The following ANKRD30A variants were observed in gnomAD, a reference collection of about 807,000 sequenced individuals.
ANKRD30A encodes ankyrin repeat domain-containing protein 30A.
A neutral mutation model predicts 166.3 loss-of-function variants in ANKRD30A; 170 were observed. The ratio of observed to expected loss-of-function variants is 1.02; its 90% CI spans 0.90 to 1.16. ANKRD30A has a LOEUF of 1.16. ANKRD30A is among the 50% of genes most tolerant of loss of function. The probability of loss-of-function intolerance (pLI) is 0.00; values close to 1 mark genes in which losing one functional copy is unlikely to be tolerated. For synonymous variants in ANKRD30A, 564 were observed against 508.9 expected, an observed-to-expected ratio of 1.11 and a Z score of -1.46; for missense variants, 1,630 against 1,518.0, an observed-to-expected ratio of 1.07 and a Z score of -1.23.
intron 34 of ANKRD30A, among the ~76,000 whole-genome samples, chr10:37,227,458 T>C (rs971544854): frequency 7.2e-5 from 11 of 152,074 alleles, no homozygotes; most frequent in African/African-American, 2.4e-4. Flanking sequence ...GCAGGTCTGT[T>C]TTTGGATTCT....
intron 9 of ANKRD30A, among the ~76,000 whole-genome samples, chr10:37,148,023 A>G (rs1233693819): frequency 1.6e-5 from 2 of 124,394 alleles, no homozygotes; most frequent in South Asian, 2.7e-4. Context: ...ACAAAAATGC[A>G]TAGGTGTGCA....
intron 31 of ANKRD30A, among the ~76,000 whole-genome samples, chr10:37,212,732 A>C (rs898806962): frequency 7.2e-5 from 11 of 151,876 alleles, no homozygotes; most frequent in African/African-American, 2.7e-4. Context: ...ATGTTGAGTT[A>C]ATTTTTGTGT....
chr10:37,264,582 G>A, the ANKRD30A span: 1 of 446,006 alleles, frequency 2.2e-6, no homozygotes, highest in South Asian at 4.3e-5. Context: ...GTGTTCTTTG[G>A]CATCTACTCA....
chr10:37,160,992 G>T (rs959435337), intron 15 of ANKRD30A, among the ~76,000 whole-genome samples: 14 of 152,162 alleles, frequency 9.2e-5, no homozygotes, highest in Non-Finnish European at 1.9e-4. Flanking sequence ...GGTGGCTCAC[G>T]CCTGTAATCC....
At chr10:37,144,076 A>AT (rs756879505) in intron 7 of ANKRD30A, among the ~76,000 whole-genome samples, 6 of 151,904 alleles carry the variant, frequency 3.9e-5, no homozygotes, top group Non-Finnish European at 5.9e-5. Flanking sequence ...CTTTTACTGA[A>AT]TTTTTTTTAA....
chr10:37,161,578 C>T (rs1838874500), intron 15 of ANKRD30A, among the ~76,000 whole-genome samples: 1 of 152,070 alleles, frequency 6.6e-6, no homozygotes, highest in African/African-American at 2.4e-5. Context: ...AGTGAACTCA[C>T]TTCAGTTGCA....
chr10:37,151,370 A>G (rs1440425266), intron 11 of ANKRD30A, among the ~76,000 whole-genome samples: 1 of 152,064 alleles, frequency 6.6e-6, no homozygotes, highest in Non-Finnish European at 1.5e-5. Context: ...ATATTTTCCT[A>G]TACATTTCTG....
the ANKRD30A span, among the ~76,000 whole-genome samples, chr10:37,239,791 G>T: frequency 4.5e-3 from 686 of 152,182 alleles, 1 homozygote; most frequent in Middle Eastern, 0.01. Flanking sequence ...GGTTATTTAT[G>T]TGATTGTGTT....
chr10:37,132,765 A>G (rs1278473606), intron 4 of ANKRD30A, among the ~76,000 whole-genome samples: 2 of 152,192 alleles, frequency 1.3e-5, no homozygotes, highest in African/African-American at 4.8e-5. Context: ...TGGGAGGCCA[A>G]GGTGGTTGGA....
At chr10:37,184,009 G>T (rs1373317523) in intron 24 of ANKRD30A, among the ~76,000 whole-genome samples, 12 of 151,722 alleles carry the variant, frequency 7.9e-5, no homozygotes, top group Non-Finnish European at 1.6e-4. Context: ...TTAGCCGGAC[G>T]TGGTGGCACG....
intron 24 of ANKRD30A, among the ~76,000 whole-genome samples, chr10:37,178,282 G>A (rs1410041962): frequency 1.3e-5 from 2 of 151,382 alleles, no homozygotes; most frequent in East Asian, 3.9e-4. Flanking sequence ...TGACCATGGA[G>A]AGCTGTGTTC....
chr10:37,219,432 T>C lies in ANKRD30A; in HGVS notation c.3720T>C (p.Ser1240=), dbSNP rs773965552. 6.2e-7 allele frequency: 1 copy of C among 1,610,082 alleles called. No individual in the cohort carries two copies. The highest frequency in any genetic ancestry group is 1.3e-5 in the African/African-American group (1 of 74,590). Residue 1240 remains serine, a synonymous_variant, in exon 34 of 36, where the codon AGT becomes AGC. Coordinates refer to ENST00000361713, the MANE Select transcript of ANKRD30A (RefSeq NM_052997.3). ...CLQRKMNVDV[S]STIYNNEVLH... The stretch of plus-strand genomic sequence containing the variant: ...AAAGAAAAATGAATGTTGATGTGAG[T>C]AGTACGATATATAACAATGAGGTGC...
At chr10:37,139,039 G>C (rs551589791) in intron 6 of ANKRD30A, among the ~76,000 whole-genome samples, 2 of 152,146 alleles carry the variant, frequency 1.3e-5, no homozygotes, top group Non-Finnish European at 2.9e-5. Context: ...CGGCAGAAAC[G>C]CTACAAGCCA....
intron 27 of ANKRD30A, among the ~76,000 whole-genome samples, chr10:37,194,573 C>T (rs1840905468): frequency 6.6e-6 from 1 of 152,032 alleles, no homozygotes; most frequent in African/African-American, 2.4e-5. Context: ...TCCGGATCTC[C>T]TGACCTTGTG....
At chr10:37,230,817 A>C (rs1270932158) in intron 34 of ANKRD30A, among the ~76,000 whole-genome samples, 1 of 152,106 alleles carries the variant, frequency 6.6e-6, no homozygotes, top group Non-Finnish European at 1.5e-5. Flanking sequence ...CAATTCACAA[A>C]ATGGTTAAAA....
At chr10:37,139,010 A>T (rs1836917784) in intron 6 of ANKRD30A, among the ~76,000 whole-genome samples, 1 of 152,244 alleles carries the variant, frequency 6.6e-6, no homozygotes, top group Admixed American at 6.5e-5. Context: ...GAAGCCCATC[A>T]GACTAACAGC....
intron 34 of ANKRD30A, among the ~76,000 whole-genome samples, chr10:37,229,127 C>CA (rs1202971502): frequency 2.0e-5 from 3 of 151,912 alleles, no homozygotes; most frequent in African/African-American, 7.2e-5. Context: ...ATTGGAGCTT[C>CA]TAGGCATTCA....
At chr10:37,165,643 A>G (rs1588848008) in intron 18 of ANKRD30A, among the ~76,000 whole-genome samples, 1 of 152,228 alleles carries the variant, frequency 6.6e-6, no homozygotes, top group Non-Finnish European at 1.5e-5. Flanking sequence ...CTGAAGGAAC[A>G]TTTCAGCAGA....
the ANKRD30A span, among the ~76,000 whole-genome samples, chr10:37,256,298 C>A: frequency 6.6e-6 from 1 of 152,124 alleles, no homozygotes. Flanking sequence ...ACTCTGTCAC[C>A]AAGGCTGGAG....
Sources: allele counts gnomAD v4.1 joint callset (sites outside exome capture counted in the v4.1 genomes callset), GRCh38; gene constraint gnomAD v4.1.1; transcripts MANE v1.5; gene names NCBI Gene and HGNC (gene_info 2026-07-23, HGNC 2026-07-21).